The following DDI2 variants were observed in gnomAD, a reference collection of about 807,000 sequenced individuals.
DDI2 encodes the protein DDI proteasomal shuttling factor 2, also known as protein DDI1 homolog 2.
DDI2 carries 5 observed loss-of-function variants against 48.1 expected under a neutral mutation model. That is an observed-to-expected ratio of 0.10 (90% CI 0.05 to 0.22). The LOEUF (loss-of-function observed/expected upper bound fraction) is 0.22, where lower values mean the gene tolerates loss of function less well. DDI2 is among the 10% of genes least tolerant of loss of function. The probability of loss-of-function intolerance (pLI) is 1.00; values close to 1 mark genes in which losing one functional copy is unlikely to be tolerated. For missense variants in DDI2, 285 were observed against 506.2 expected (o/e 0.56, Z 4.19); for synonymous variants, 205 against 183.6 (o/e 1.12, Z -0.94).
chr1:15,656,682 AT>A lies in DDI2; in HGVS notation c.*46+6del. On this transcript the variant is annotated splice_donor_region_variant and intron_variant, in intron 9 of 9. Transcript: ENST00000480945. The stretch of plus-strand genomic sequence containing the variant: ...AGCTGGAGTGGGCCCCAGACCAGGT[AT>A]TTATAGACACCATGTTAAGCCTTCC... The A allele has an allele frequency of 6.2e-7, 1 of 1,614,088 alleles. No individual in the cohort carries two copies. The highest frequency in any genetic ancestry group is 8.5e-7 in the Non-Finnish European group (1 of 1,179,968).
At position 15,661,764 on chromosome 1, in the gene DDI2, CAAAA is replaced by C. The variant is rs1003963963; in HGVS notation, c.*1975_*1978del. 2 of 1,548,870 alleles carry C rather than the reference CAAAA, an allele frequency of 1.3e-6. No homozygotes were observed. Among genetic ancestry groups the C allele is most frequent in the Non-Finnish European group, 1.7e-6 (2 of 1,149,596 alleles). ...TAGACCGTTCTCCATTCCCTTTAAACAAAAGAAAGCTCTCTCTATATACACGCAC... is the reference window on the plus strand; with the variant it reads ...TAGACCGTTCTCCATTCCCTTTAAACGAAAGCTCTCTCTATATACACGCAC... On this transcript the variant is annotated 3_prime_UTR_variant, in exon 10 of 10. Coordinates refer to ENST00000480945, the MANE Select transcript of DDI2 (RefSeq NM_032341.5).
At chr1:15,635,265 GAATT>G (rs1343304038) in intron 4 of DDI2, among the ~76,000 whole-genome samples, 1 of 151,190 alleles carries the variant, frequency 6.6e-6, no homozygotes, top group Non-Finnish European at 1.5e-5. Flanking sequence ...TTGTACACTA[GAATT>G]AATTGACAGC....
At chr1:15,644,632 C>T (rs552659160) in intron 6 of DDI2, among the ~76,000 whole-genome samples, 62 of 117,144 alleles carry the variant, frequency 5.3e-4, no homozygotes, top group South Asian at 2.5e-3. Context: ...CTCACTCTGT[C>T]GCCCAGGCTG....
At chr1:15,627,484 A>G (rs975419532) in intron 2 of DDI2, among the ~76,000 whole-genome samples, 16 of 152,200 alleles carry the variant, frequency 1.1e-4, no homozygotes, top group African/African-American at 3.6e-4. Flanking sequence ...TCTATCTTTG[A>G]TGCTGCTTTT....
rs1186435987 is a variant in DDI2 at position 15,660,139 on chromosome 1, C to G, written c.*349C>G. 3 of 1,614,202 alleles carry G rather than the reference C, an allele frequency of 1.9e-6. No homozygotes were observed. Among genetic ancestry groups the G allele is most frequent in the Non-Finnish European group, 2.5e-6 (3 of 1,180,032 alleles). On this transcript the variant is annotated 3_prime_UTR_variant, in exon 10 of 10. Coordinates refer to ENST00000480945, the MANE Select transcript of DDI2 (RefSeq NM_032341.5). ...CTCAGCAGACCATGCTCCAACAGACCAGAGTCCAGCTATGCCTATGCAGAA... is the reference window on the plus strand; with the variant it reads ...CTCAGCAGACCATGCTCCAACAGACGAGAGTCCAGCTATGCCTATGCAGAA...
chr1:15,640,088 A>T (rs540192348), intron 5 of DDI2, among the ~76,000 whole-genome samples: 2 of 152,084 alleles, frequency 1.3e-5, no homozygotes, highest in South Asian at 4.2e-4. Context: ...AACTGAAATT[A>T]TTCAGTTTAA....
chr1:15,635,465 G>A (rs1439090206), intron 4 of DDI2, among the ~76,000 whole-genome samples: 4 of 152,166 alleles, frequency 2.6e-5, no homozygotes, highest in African/African-American at 9.7e-5. Context: ...GAGTTCAGTG[G>A]CACGATCTCG....
chr1:15,649,833 AG>A lies in DDI2; in HGVS notation c.993+11del. On this transcript the variant is annotated intron_variant, in intron 7 of 9. Coordinates refer to ENST00000480945, the MANE Select transcript of DDI2 (RefSeq NM_032341.5). ...GCTTAAACGGCACCAGGTAATTAAG[AG>A]CTTCACTTATTTTTTTTGCATCTGC... 6.2e-7 allele frequency: 1 copy of A among 1,600,586 alleles called. No individual in the cohort carries two copies. The highest frequency in any genetic ancestry group is 8.5e-7 in the Non-Finnish European group (1 of 1,175,948).
At position 15,660,014 on chromosome 1, in the gene DDI2, A is replaced by C. The variant is rs947206568; in HGVS notation, c.*224A>C. On this transcript the variant is annotated 3_prime_UTR_variant, in exon 10 of 10. Transcript: ENST00000480945. ...AAGCCCAGTGACTCAGATCGCATTG[A>C]ACCTAAAGCTGTGAAGGCTTTGAAG... The C allele has an allele frequency of 2.5e-6, 4 of 1,614,042 alleles. No individual in the cohort carries two copies. The highest frequency in any genetic ancestry group is 1.7e-6 in the Non-Finnish European group (2 of 1,180,032).
Position 15,668,487 on chromosome 1 carries a change from G to A in DDI2, c.*8697G>A, listed in dbSNP as rs1640485996. 1.3e-5 allele frequency: 2 copies of A among 152,064 alleles called. No homozygotes were observed. The highest frequency in any genetic ancestry group is 2.4e-5 in the African/African-American group (1 of 41,400). The allele number at this position is 152,064 out of a possible 1,614,324, so 9.4% of individuals were successfully genotyped here. A position where few individuals can be genotyped will look rare whatever the true frequency, so the allele number is the denominator to read the frequency against. On this transcript the variant is annotated 3_prime_UTR_variant, in exon 10 of 10. Transcript: ENST00000480945. ...TTGTATCTACAACAGAAATTGATTT[G>A]TTCATTTTTATTTCAAATCTCTTCA...
Position 15,617,609 on chromosome 1 carries a change from C to T in DDI2, c.-62C>T. The T allele has an allele frequency of 7.9e-7, 1 of 1,269,388 alleles. No individual in the cohort carries two copies. The highest frequency in any genetic ancestry group is 1.0e-6 in the Non-Finnish European group (1 of 1,001,528). The allele number at this position is 1,269,388 out of a possible 1,614,324, so 78.6% of individuals were successfully genotyped here. ...CACCAGCCAGGCCACGCCGCCGCCT[C>T]TTCCCCTGCGCCCCGCGCCCAGGCC... On this transcript the variant is annotated 5_prime_UTR_variant, in exon 1 of 10. Coordinates refer to ENST00000480945, the MANE Select transcript of DDI2 (RefSeq NM_032341.5).
At position 15,624,990 on chromosome 1, in the gene DDI2, A is replaced by G. The variant is rs1191214211; in HGVS notation, c.139-1679A>G. Among the ~76,000 whole-genome samples, 6 of 152,220 alleles carry G rather than the reference A, an allele frequency of 3.9e-5. 1 individual carries two copies. The highest frequency in any genetic ancestry group is 8.8e-5 in the Non-Finnish European group (6 of 68,010). On this transcript the variant is annotated intron_variant, in intron 1 of 9. Coordinates refer to ENST00000480945, the MANE Select transcript of DDI2 (RefSeq NM_032341.5). ...TAAAACTTGTATAATTGGGCCTACA[A>G]ATTTGCTCATATTCAGAAGAATTTG...
Position 15,662,730 on chromosome 1 carries a change from T to C in DDI2, c.*2940T>C, listed in dbSNP as rs1009519188. The C allele has an allele frequency of 7.9e-5, 12 of 152,234 alleles. No homozygotes were observed. Among genetic ancestry groups the C allele is most frequent in the African/African-American group, 2.2e-4 (9 of 41,458 alleles). The allele number at this position is 152,234 out of a possible 1,614,324, so 9.4% of individuals were successfully genotyped here. A position where few individuals can be genotyped will look rare whatever the true frequency, so the allele number is the denominator to read the frequency against. ...AGTGTGAGCTGTGATCTGAGTGAAA[T>C]ACTAAGTGTGATAACCTTGTCACTG... On this transcript the variant is annotated 3_prime_UTR_variant, in exon 10 of 10. Transcript: ENST00000480945.
chr1:15,633,663 T>G, intron 4 of DDI2, 98 bp downstream of exon 4: 10 of 1,561,168 alleles, frequency 6.4e-6, no homozygotes, highest in Admixed American at 1.7e-5. Context: ...TGGAGGTAGC[T>G]TCTCTGTTTT....
intron 7 of DDI2, among the ~76,000 whole-genome samples, chr1:15,650,599 T>A (rs1027439735): frequency 6.6e-6 from 1 of 152,038 alleles, no homozygotes; most frequent in Non-Finnish European, 1.5e-5. Flanking sequence ...AGTACAAAAA[T>A]TAGCTAGGCG....
intron 8 of DDI2, among the ~76,000 whole-genome samples, chr1:15,655,538 A>T (rs551430265): frequency 6.6e-6 from 1 of 152,126 alleles, no homozygotes; most frequent in East Asian, 1.9e-4. Flanking sequence ...GGATCACCTG[A>T]GGTCAGAAAT....
intron 4 of DDI2, among the ~76,000 whole-genome samples, chr1:15,634,694 G>A (rs188322529): frequency 2.0e-5 from 3 of 151,722 alleles, no homozygotes; most frequent in Non-Finnish European, 4.4e-5. Context: ...ACCACGCCCA[G>A]CTAATTTTTT....
intron 5 of DDI2, among the ~76,000 whole-genome samples, chr1:15,641,957 A>C (rs80234812): frequency 1.6e-5 from 1 of 62,474 alleles, no homozygotes; most frequent in African/African-American, 2.2e-4. Flanking sequence ...TTCAGTCTCA[A>C]AAAAAAAAAA....
intron 4 of DDI2, among the ~76,000 whole-genome samples, chr1:15,637,413 T>C (rs72647128): frequency 0.32 from 48,850 of 152,064 alleles, 8,740 homozygotes; most frequent in African/African-American, 0.46. Flanking sequence ...GCTCTGTCGC[T>C]CAGGCTGGAG....
Sources: allele counts gnomAD v4.1 joint callset (sites outside exome capture counted in the v4.1 genomes callset), GRCh38; gene constraint gnomAD v4.1.1; transcripts MANE v1.5; gene names NCBI Gene and HGNC (gene_info 2026-07-23, HGNC 2026-07-21).